Variants in CDH23 observed in about 807,000 individuals in gnomAD.
The protein encoded by CDH23 is cadherin related 23.
Under a neutral mutation model 317.1 loss-of-function variants are expected in CDH23, and 189 were observed. That is an observed-to-expected ratio of 0.60 (90% CI 0.53 to 0.67). CDH23 has a LOEUF of 0.67. Ranked by LOEUF, CDH23 falls within the 30% of genes least tolerant of loss-of-function variation. The probability of loss-of-function intolerance (pLI) is 0.00; values close to 1 mark genes in which losing one functional copy is unlikely to be tolerated. For missense variants in CDH23, 4,401 were observed against 4,592.4 expected (o/e 0.96, Z 1.20); for synonymous variants, 1,839 against 1,876.8 (o/e 0.98, Z 0.52).
chr10:71,511,343 A>C (rs949358722), intron 6 of CDH23, 131 bp downstream of exon 6: 8 of 854,996 alleles, frequency 9.4e-6, no homozygotes, highest in Admixed American at 7.5e-5. Context: ...CCAGGTGCCA[A>C]CTCTGAGCAG....
intron 38 of CDH23, among the ~76,000 whole-genome samples, chr10:71,767,500 C>T (rs562735936): frequency 1.3e-5 from 2 of 152,342 alleles, no homozygotes; most frequent in South Asian, 4.1e-4. Context: ...CACAGGACAT[C>T]CCAAAGAGAA....
At chr10:71,420,562 A>AAGG (rs1364480429) in intron 1 of CDH23, among the ~76,000 whole-genome samples, 7 of 132,046 alleles carry the variant, frequency 5.3e-5, no homozygotes, top group Admixed American at 7.3e-5. Context: ...GATGATGGTG[A>AAGG]TGATGATGAT....
In CDH23 at chr10:71,645,958, C is replaced by T. The variant is rs1312634413; in HGVS notation, c.1268C>T (p.Thr423Ile). 6.2e-6 allele frequency: 10 copies of T among 1,612,904 alleles called. No homozygotes were observed. The highest frequency in any genetic ancestry group is 2.7e-5 in the African/African-American group (2 of 74,862). The change falls in exon 13 of 70, where the codon ACC becomes ATC. Residue 423 changes from threonine (T) to isoleucine (I), a missense_variant. Physicochemically the swap from Thr to Ile is moderately conservative, Grantham distance 89 (BLOSUM62 -1). Around this residue, in one of 3 missense-constraint regions of CDH23, gnomAD observed 3,068 missense variants for 3,203.3 expected, o/e 0.96. Transcript: ENST00000224721. ...IRVAIPLDYE[T>I]VDRYDFDLFA... Reference sequence around the variant, plus strand: ...GTGGCCATCCCACTGGACTACGAGACCGTGGACCGCTACGACTTTGATGTA... The same window carrying T: ...GTGGCCATCCCACTGGACTACGAGATCGTGGACCGCTACGACTTTGATGTA...
intron 11 of CDH23, among the ~76,000 whole-genome samples, chr10:71,631,884 G>A (rs61851977): frequency 0.092 from 13,933 of 152,268 alleles, 826 homozygotes; most frequent in Non-Finnish European, 0.13. Context: ...GCTGAAAGAA[G>A]CCACTCGCTA....
rs73277900 is a variant in CDH23, at chr10:71,815,191, C to T, written c.9978C>T (p.Asn3326=). ...TAAEATAFER[N]ARTESAKSTP... is the part of the protein sequence containing the mutation. Reference sequence around the variant, plus strand: ...CCGAGGCCACTGCCTTCGAGCGCAACGCCCGCACAGAATCCGCCAAATCCA... The same window carrying T: ...CCGAGGCCACTGCCTTCGAGCGCAATGCCCGCACAGAATCCGCCAAATCCA... Residue 3326 remains asparagine, a synonymous_variant, in exon 70 of 70, where the codon AAC becomes AAT. Transcript: ENST00000224721. The T allele has an allele frequency of 3.6e-3, 5,843 of 1,608,924 alleles. 166 individuals carry two copies. In the African/African-American group the frequency reaches 0.066, roughly 18 times the overall value.
intron 14 of CDH23, among the ~76,000 whole-genome samples, chr10:71,661,361 C>T (rs767562524): frequency 6.6e-6 from 1 of 152,178 alleles, no homozygotes; most frequent in African/African-American, 2.4e-5. Flanking sequence ...TCCACTGTAT[C>T]GCCACCTACA....
chr10:71,500,018 C>CAAA lies in CDH23; in HGVS notation c.146-10046_146-10044dup, dbSNP rs34690494. Among the ~76,000 whole-genome samples the CAAA allele has an allele frequency of 7.4e-3, 703 of 94,710 alleles. 27 individuals are homozygous for CAAA. The East Asian group carries it at 0.1, about 14-fold the overall frequency. The allele number at this position is 94,710 out of a possible 152,430, so 62.1% of individuals were successfully genotyped here. A position where few individuals can be genotyped will look rare whatever the true frequency, so the allele number is the denominator to read the frequency against. ...TGGGTGACAGAGCGAGACTCCATCT[C>CAAA]AAAAAAAAAAAAAAAAAAAAGGATA... On this transcript the variant is annotated intron_variant, in intron 3 of 69. Coordinates refer to ENST00000224721, the MANE Select transcript of CDH23 (RefSeq NM_022124.6).
intron 11 of CDH23, among the ~76,000 whole-genome samples, chr10:71,621,244 G>C (rs1328271890): frequency 6.6e-6 from 1 of 152,234 alleles, no homozygotes; most frequent in South Asian, 2.1e-4. Context: ...GGTGACTCTG[G>C]ATTTGCTTGG....
At chr10:71,690,620 C>T (rs1226427494) in intron 20 of CDH23, 36 bp downstream of exon 20, 2 of 1,435,102 alleles carry the variant, frequency 1.4e-6, no homozygotes, top group South Asian at 1.2e-5. Flanking sequence ...TGGTCCTCCA[C>T]ACCCTGAGGC....
chr10:71,645,482 C>T (rs1033994286), intron 12 of CDH23, among the ~76,000 whole-genome samples: 7 of 152,324 alleles, frequency 4.6e-5, no homozygotes, highest in African/African-American at 1.4e-4. Context: ...TCTGTCTCCC[C>T]GCTGGGTCTT....
At chr10:71,596,479 C>A (rs548567665) in intron 9 of CDH23, among the ~76,000 whole-genome samples, 1 of 152,242 alleles carries the variant, frequency 6.6e-6, no homozygotes, top group Middle Eastern at 3.4e-3. Flanking sequence ...ATTTCCATCA[C>A]ACAGATGGGT....
In CDH23 at chr10:71,793,373, C is replaced by T. The variant is rs747377857; in HGVS notation, c.6445C>T (p.Arg2149Trp). ...SYRLTVVATD[R>W]GTVPLSGTAI... ...CAGGCTAACGGTGGTGGCCACCGAC[C>T]GGGGCACCGTTCCTCTCTCGGGCAC... is the stretch of plus-strand genomic sequence containing the variant. The change falls in exon 48 of 70, where the codon CGG becomes TGG. Residue 2149 changes from arginine to tryptophan, a missense_variant. This residue lies in a region of CDH23 where 3,068 missense variants were observed against 3,203.3 expected (regional missense o/e 0.96). Transcript: ENST00000224721. 1.1e-5 allele frequency: 18 copies of T among 1,613,780 alleles called. No homozygotes were observed. The highest frequency in any genetic ancestry group is 3.3e-5 in the South Asian group (3 of 91,072).
chr10:71,735,185 C>T lies in CDH23; in HGVS notation c.4209+527C>T, dbSNP rs545537280. On this transcript the variant is annotated intron_variant, in intron 34 of 69. Transcript: ENST00000224721. ...GCTGCATCCATAAAGGGGACCCCCTCCCTCTCCTGGGGGTTGGTGCAAGTG... is the reference window on the plus strand; with the variant it reads ...GCTGCATCCATAAAGGGGACCCCCTTCCTCTCCTGGGGGTTGGTGCAAGTG... Among the ~76,000 whole-genome samples the T allele has an allele frequency of 4.6e-5, 7 of 152,318 alleles. No individual in the cohort carries two copies. In the South Asian group the frequency reaches 1.2e-3, roughly 27 times the overall value.
intron 38 of CDH23, among the ~76,000 whole-genome samples, chr10:71,743,369 C>T (rs1413221413): frequency 6.6e-6 from 1 of 152,196 alleles, no homozygotes. Context: ...GGTGGGGTCA[C>T]ACCAGGTCTG....
At chr10:71,617,581 A>G (rs1321560500) in intron 11 of CDH23, 188 bp downstream of exon 11, 2 of 1,407,614 alleles carry the variant, frequency 1.4e-6, no homozygotes, top group Non-Finnish European at 1.9e-6. Flanking sequence ...TATCCCCTAC[A>G]CCCTGCAAAA....
chr10:71,753,044 G>C (rs748533224), intron 38 of CDH23: 2 of 1,603,656 alleles, frequency 1.2e-6, no homozygotes, highest in Non-Finnish European at 1.7e-6. Flanking sequence ...GGAAGGGAAG[G>C]CTTCCCCATA....
chr10:71,643,922 C>T, intron 12 of CDH23, 56 bp downstream of exon 12: 1 of 765,040 alleles, frequency 1.3e-6, no homozygotes, highest in African/African-American at 1.7e-5. Context: ...GTGGTGGGCA[C>T]AGTGGGGAGG....
intron 11 of CDH23, among the ~76,000 whole-genome samples, chr10:71,624,734 CTATTATTATTATTAT>C (rs57038733): frequency 2.7e-5 from 4 of 146,212 alleles, no homozygotes; most frequent in East Asian, 2.0e-4. Flanking sequence ...TAGACATTAG[CTATTATTATTATTAT>C]TATTATTATT....
At chr10:71,727,354 C>A (rs1247096708) in intron 30 of CDH23, among the ~76,000 whole-genome samples, 1 of 152,228 alleles carries the variant, frequency 6.6e-6, no homozygotes. Flanking sequence ...TGCCTCATCC[C>A]CACAGGGTAA....
Sources: allele counts gnomAD v4.1 joint callset (sites outside exome capture counted in the v4.1 genomes callset), GRCh38; gene constraint gnomAD v4.1.1; regional missense constraint gnomAD v4.1.1; transcripts MANE v1.5; gene names NCBI Gene and HGNC (gene_info 2026-07-23, HGNC 2026-07-21).